PCDH9: variants seen among roughly 807,000 people sequenced by gnomAD.
PCDH9 encodes the protein protocadherin-9.
A neutral mutation model predicts 70.6 loss-of-function variants in PCDH9; 24 were observed. That is an observed-to-expected ratio of 0.34 (90% CI 0.25 to 0.48). The LOEUF (loss-of-function observed/expected upper bound fraction) is 0.48. Ranked by LOEUF, PCDH9 falls within the 20% of genes least tolerant of loss-of-function variation. The pLI, the probability that PCDH9 is intolerant of heterozygous loss-of-function variation, is 0.99. For missense variants in PCDH9, 1,281 were observed against 1,503.6 expected (o/e 0.85, Z 2.45); for synonymous variants, 562 against 558.5 (o/e 1.01, Z -0.09).
intron 3 of PCDH9, among the ~76,000 whole-genome samples, chr13:66,714,746 T>TAAGG (rs2139138229): frequency 6.6e-6 from 1 of 152,268 alleles, no homozygotes; most frequent in South Asian, 2.1e-4. Flanking sequence ...GTTATTAAGG[T>TAAGG]AAGGAGTTGC....
At chr13:66,467,514 C>G (rs1958538527) in intron 4 of PCDH9, among the ~76,000 whole-genome samples, 1 of 152,064 alleles carries the variant, frequency 6.6e-6, no homozygotes, top group South Asian at 2.1e-4. Context: ...CCCACATCTA[C>G]CAGCCAGCTT....
chr13:66,622,773 C>T (rs1213191615), intron 4 of PCDH9, among the ~76,000 whole-genome samples: 3 of 152,152 alleles, frequency 2.0e-5, no homozygotes, highest in Non-Finnish European at 4.4e-5. Flanking sequence ...GCTGCCCGGG[C>T]AGGCAGTGGC....
chr13:66,925,528 C>G (rs2082703961), intron 2 of PCDH9, among the ~76,000 whole-genome samples: 1 of 151,778 alleles, frequency 6.6e-6, no homozygotes, highest in African/African-American at 2.4e-5. Flanking sequence ...AGTTGCATTT[C>G]CTGTTCATTT....
At chr13:66,898,828 A>G (rs78208907) in intron 3 of PCDH9, among the ~76,000 whole-genome samples, 2,905 of 152,102 alleles carry the variant, frequency 0.019, 87 homozygotes, top group African/African-American at 0.064. Context: ...TATTTAAACA[A>G]TAGAGTTCTA....
At chr13:67,188,767 G>A (rs1465930365) in intron 2 of PCDH9, among the ~76,000 whole-genome samples, 1 of 151,940 alleles carries the variant, frequency 6.6e-6, no homozygotes, top group African/African-American at 2.4e-5. Context: ...TTTTATAAGA[G>A]CAGCTGTAAT....
chr13:67,015,268 C>A (rs1053392669), intron 2 of PCDH9, among the ~76,000 whole-genome samples: 2 of 152,088 alleles, frequency 1.3e-5, no homozygotes, highest in African/African-American at 4.8e-5. Flanking sequence ...TTCTGTGACT[C>A]TGTAAGCAGG....
intron 3 of PCDH9, among the ~76,000 whole-genome samples, chr13:66,674,691 T>C (rs1593874361): frequency 1.3e-5 from 2 of 152,256 alleles, no homozygotes; most frequent in African/African-American, 4.8e-5. Context: ...ATGGCAATTG[T>C]TGATATTTAA....
chr13:66,717,499 A>G (rs1416820650), intron 3 of PCDH9, among the ~76,000 whole-genome samples: 2 of 107,454 alleles, frequency 1.9e-5, no homozygotes, highest in African/African-American at 3.3e-5. Flanking sequence ...ATATATATAT[A>G]TATATATATG....
chr13:66,936,912 T>C (rs1358585049), intron 2 of PCDH9, among the ~76,000 whole-genome samples: 1 of 152,208 alleles, frequency 6.6e-6, no homozygotes, highest in Non-Finnish European at 1.5e-5. Flanking sequence ...AAAGATTAAA[T>C]AACCTATTGA....
chr13:67,218,080 T>C (rs2089647840), intron 2 of PCDH9: 1 of 152,084 alleles, frequency 6.6e-6, no homozygotes, highest in Non-Finnish European at 1.5e-5. Flanking sequence ...TTACTTCATA[T>C]TTAATAGGCA....
chr13:66,472,621 C>T (rs1315262883), intron 4 of PCDH9, among the ~76,000 whole-genome samples: 2 of 152,048 alleles, frequency 1.3e-5, no homozygotes, highest in Admixed American at 1.3e-4. Flanking sequence ...GTTGTTCTTT[C>T]GATTGTCTTA....
At chr13:66,839,381 C>T (rs1349138620) in intron 3 of PCDH9, among the ~76,000 whole-genome samples, 1 of 152,106 alleles carries the variant, frequency 6.6e-6, no homozygotes, top group Non-Finnish European at 1.5e-5. Flanking sequence ...TGTCTTTCCT[C>T]TTTTACTAAT....
At chr13:67,020,285 T>C (rs2084649848) in intron 2 of PCDH9, among the ~76,000 whole-genome samples, 2 of 152,318 alleles carry the variant, frequency 1.3e-5, no homozygotes, top group South Asian at 4.1e-4. Context: ...GTATGACTTA[T>C]GCCAACACAT....
intron 4 of PCDH9, among the ~76,000 whole-genome samples, chr13:66,595,693 A>G (rs1001814227): frequency 6.6e-6 from 1 of 151,742 alleles, no homozygotes; most frequent in African/African-American, 2.4e-5. Context: ...TGCACTGAGA[A>G]AAAATACGTT....
intron 3 of PCDH9, among the ~76,000 whole-genome samples, chr13:66,813,173 C>T (rs2080540004): frequency 6.6e-6 from 1 of 152,166 alleles, no homozygotes; most frequent in Non-Finnish European, 1.5e-5. Flanking sequence ...TAAGAGAGAT[C>T]ACTACCATTG....
At position 66,702,401 on chromosome 13, in the gene PCDH9, T is replaced by A. The variant is rs113633263; in HGVS notation, c.3139-70990A>T. ...CAAAAGCAGACAGCAGAATGATAGTTGCCAGGGACTGAAGGAGGGGGGAAA... is the reference window on the plus strand; with the variant it reads ...CAAAAGCAGACAGCAGAATGATAGTAGCCAGGGACTGAAGGAGGGGGGAAA... On this transcript the variant is annotated intron_variant, in intron 3 of 4. Transcript: ENST00000377865. 6.4e-3 allele frequency among the ~76,000 whole-genome samples: 969 copies of A among 152,230 alleles called. 9 individuals are homozygous for A. The highest frequency in any genetic ancestry group is 0.022 in the African/African-American group (912 of 41,512).
At chr13:66,579,134 T>C (rs2076855391) in intron 4 of PCDH9, among the ~76,000 whole-genome samples, 1 of 152,088 alleles carries the variant, frequency 6.6e-6, no homozygotes, top group Non-Finnish European at 1.5e-5. Flanking sequence ...AGGTACGTGG[T>C]TCCTTAATTG....
chr13:66,758,721 A>C (rs974312844), intron 3 of PCDH9, among the ~76,000 whole-genome samples: 18 of 152,066 alleles, frequency 1.2e-4, no homozygotes, highest in African/African-American at 4.3e-4. Flanking sequence ...TAAATGTTTG[A>C]TAGAATTCAA....
At chr13:67,159,344 T>C (rs1458709392) in intron 2 of PCDH9, among the ~76,000 whole-genome samples, 3 of 152,072 alleles carry the variant, frequency 2.0e-5, no homozygotes, top group Non-Finnish European at 4.4e-5. Flanking sequence ...GAGGTTAGAA[T>C]TGATTCTAAG....
Sources: gnomAD v4.1 joint callset for allele counts (sites outside exome capture counted in the v4.1 genomes callset) on GRCh38, gnomAD v4.1.1 for gene constraint, MANE v1.5 for transcripts, NCBI Gene and HGNC (gene_info 2026-07-23, HGNC 2026-07-21) for gene names.